Variants in MED12L observed in about 807,000 individuals in gnomAD.
The protein encoded by MED12L is mediator complex subunit 12L, also known as mediator of RNA polymerase II transcription subunit 12-like protein.
Under a neutral mutation model 281.3 loss-of-function variants are expected in MED12L, and 60 were observed. That is an observed-to-expected ratio of 0.21 (90% CI 0.17 to 0.26). The LOEUF is 0.26. Ranked by LOEUF, MED12L falls within the 10% of genes least tolerant of loss-of-function variation. The pLI, the probability that MED12L is intolerant of heterozygous loss-of-function variation, is 1.00. For synonymous variants in MED12L, 974 were observed against 987.2 expected (o/e 0.99, Z 0.25); for missense variants, 2,146 against 2,680.9 (o/e 0.80, Z 4.41).
chr3:151,411,186 T>C, intron 40 of MED12L, 92 bp from the exon 41 acceptor site: 1 of 1,054,748 alleles, frequency 9.5e-7, no homozygotes, highest in African/African-American at 1.6e-5. Context: ...AGGGGAGTCC[T>C]CATGGGTTTG....
intron 16 of MED12L, among the ~76,000 whole-genome samples, chr3:151,272,840 T>G (rs1741206971): frequency 2.0e-5 from 3 of 152,120 alleles, no homozygotes; most frequent in Admixed American, 2.0e-4. Context: ...AGGTGGTTAT[T>G]TTTGTTCTGT....
intron 16 of MED12L, chr3:151,340,847 A>G (rs991982987): frequency 6.6e-6 from 1 of 152,450 alleles, no homozygotes; most frequent in African/African-American, 2.4e-5. Context: ...GCAGACACTG[A>G]ATTTCTATCT....
rs1559962872 is a variant in MED12L, at chr3:151,269,442, A to ACAC, written c.2250+75776_2250+75777insCAC. On this transcript the variant is annotated intron_variant, in intron 16 of 44. Coordinates refer to ENST00000687756, the MANE Select transcript of MED12L (RefSeq NM_001393769.1). ...ACACACACACACACACACACACACAAAATTCAGAGACTTAATGAACAAGCC... is the reference window on the plus strand; with the variant it reads ...ACACACACACACACACACACACACAACACAATTCAGAGACTTAATGAACAAGCC... The ACAC allele has an allele frequency of 2.7e-3, 481 of 177,998 alleles. 2 individuals are homozygous for ACAC. Among genetic ancestry groups the ACAC allele is most frequent in the African/African-American group, 0.021 (462 of 22,330 alleles). The allele number at this position is 177,998 out of a possible 1,614,324, so 11.0% of individuals were successfully genotyped here.
intron 36 of MED12L, among the ~76,000 whole-genome samples, chr3:151,385,421 T>A (rs1011907222): frequency 6.6e-6 from 1 of 152,186 alleles, no homozygotes; most frequent in African/African-American, 2.4e-5. Context: ...TCCCTGAATT[T>A]AAGTAAATTT....
chr3:151,350,350 A>G (rs1483380074), intron 17 of MED12L, 144 bp downstream of exon 17: 3 of 645,488 alleles, frequency 4.6e-6, no homozygotes, highest in Non-Finnish European at 7.1e-6. Context: ...GAACAAGCAC[A>G]TTTAAATTTT....
Position 151,193,624 on chromosome 3 carries a change from C to T in MED12L, c.2208C>T (p.Leu736=). 6.2e-7 allele frequency: 1 copy of T among 1,614,090 alleles called. No individual in the cohort carries two copies. The highest frequency in any genetic ancestry group is 1.1e-5 in the South Asian group (1 of 91,084). The change falls in exon 16 of 45, where the codon CTC becomes CTT. Residue 736 remains leucine, a synonymous_variant. Transcript: ENST00000687756. ...TAATTTTTCCATCTAATTATGACCTCCTTCGCCACTTACAGTATGCAACAC... is the reference window on the plus strand; with the variant it reads ...TAATTTTTCCATCTAATTATGACCTTCTTCGCCACTTACAGTATGCAACAC... ...RELIFPSNYD[L]LRHLQYATHF...
intron 5 of MED12L, among the ~76,000 whole-genome samples, chr3:151,153,163 A>G (rs1718787119): frequency 6.6e-6 from 1 of 152,196 alleles, no homozygotes; most frequent in African/African-American, 2.4e-5. Flanking sequence ...AATAACTCTA[A>G]AATGGTAGGG....
chr3:151,339,431 T>A (rs372413832), intron 16 of MED12L, among the ~76,000 whole-genome samples: 5 of 145,886 alleles, frequency 3.4e-5, no homozygotes, highest in Non-Finnish European at 6.0e-5. Context: ...ACTGAATCAG[T>A]AAAAAAAAAA....
At chr3:151,394,550 G>T (rs1477577953) in intron 38 of MED12L, 106 bp from the exon 39 acceptor site, 7 of 1,532,122 alleles carry the variant, frequency 4.6e-6, no homozygotes, top group Middle Eastern at 2.1e-4. Context: ...TTTCTACTTT[G>T]TTCATAAAGT....
chr3:151,169,845 G>A (rs1431624126), intron 11 of MED12L, among the ~76,000 whole-genome samples: 1 of 152,170 alleles, frequency 6.6e-6, no homozygotes, highest in Non-Finnish European at 1.5e-5. Flanking sequence ...AACTTCTGTA[G>A]TTGCAATAGG....
chr3:151,193,360 T>A (rs993719961), intron 15 of MED12L, 130 bp from the exon 16 acceptor site: 1 of 630,212 alleles, frequency 1.6e-6, no homozygotes, highest in Admixed American at 3.0e-5. Context: ...TTTCTTCATA[T>A]TTTTTTGCTA....
chr3:151,164,936 G>A (rs1051725563), intron 9 of MED12L, among the ~76,000 whole-genome samples: 1 of 151,732 alleles, frequency 6.6e-6, no homozygotes, highest in African/African-American at 2.4e-5. Context: ...ACACCAACAT[G>A]GCGCATGTAT....
intron 16 of MED12L, chr3:151,198,710 A>C: frequency 1.2e-6 from 2 of 1,614,036 alleles, no homozygotes; most frequent in Non-Finnish European, 1.7e-6. Context: ...GGTCACTAAA[A>C]GTATGTTGAT....
chr3:151,385,267 A>C, intron 36 of MED12L, 76 bp downstream of exon 36: 1 of 774,236 alleles, frequency 1.3e-6, no homozygotes, highest in Non-Finnish European at 2.0e-6. Flanking sequence ...TTACCATAGG[A>C]TATATAAAAT....
intron 16 of MED12L, chr3:151,329,472 G>C (rs1207444210): frequency 6.5e-7 from 1 of 1,530,042 alleles, no homozygotes; most frequent in African/African-American, 1.4e-5. Flanking sequence ...AACAAAAATT[G>C]AAATTCACCT....
rs1264731675 is a variant in MED12L at position 151,433,817 on chromosome 3, G to A, written c.*1013G>A. 6.6e-6 allele frequency: 1 copy of A among 152,586 alleles called. No homozygotes were observed. Among genetic ancestry groups the A allele is most frequent in the Non-Finnish European group, 1.5e-5 (1 of 68,028 alleles). The allele number at this position is 152,586 out of a possible 1,614,324, so 9.5% of individuals were successfully genotyped here. ...TTGTATGGTAAGTATTTGCTCTTTTGAATTTAATTATTACTGTCAGTGTCA... is the reference window on the plus strand; with the variant it reads ...TTGTATGGTAAGTATTTGCTCTTTTAAATTTAATTATTACTGTCAGTGTCA... On this transcript the variant is annotated 3_prime_UTR_variant, in exon 45 of 45. Coordinates refer to ENST00000687756, the MANE Select transcript of MED12L (RefSeq NM_001393769.1).
At chr3:151,134,899 G>A (rs1005718379) in intron 5 of MED12L, among the ~76,000 whole-genome samples, 2 of 152,006 alleles carry the variant, frequency 1.3e-5, no homozygotes, top group African/African-American at 4.8e-5. Context: ...TTGCCAGAGT[G>A]AGATATGTGA....
intron 5 of MED12L, among the ~76,000 whole-genome samples, chr3:151,153,837 A>G (rs764540689): frequency 1.8e-4 from 27 of 152,038 alleles, no homozygotes; most frequent in Non-Finnish European, 3.8e-4. Context: ...CCAAAGTGCT[A>G]GGATTACAGG....
chr3:151,206,291 A>G (rs1726349102), intron 16 of MED12L, among the ~76,000 whole-genome samples: 2 of 151,878 alleles, frequency 1.3e-5, no homozygotes, highest in Admixed American at 1.3e-4. Flanking sequence ...GAAATGGAGA[A>G]TACATGTTTG....
Sources: allele counts gnomAD v4.1 joint callset (sites outside exome capture counted in the v4.1 genomes callset), GRCh38; gene constraint gnomAD v4.1.1; transcripts MANE v1.5; gene names NCBI Gene and HGNC (gene_info 2026-07-23, HGNC 2026-07-21).